The following PXDNL variants were observed in gnomAD, a reference collection of about 807,000 sequenced individuals.
The protein encoded by PXDNL is probable oxidoreductase PXDNL.
In PXDNL, 145 loss-of-function variants were observed where a neutral mutation model predicts 150.8. That is an observed-to-expected ratio of 0.96 (90% CI 0.84 to 1.10). The LOEUF is 1.10. PXDNL is among the 50% of genes least tolerant of loss of function. The pLI is 0.00. For missense variants in PXDNL, 2,087 were observed against 1,873.9 expected (o/e 1.11, Z -2.10); for synonymous variants, 757 against 725.7 (o/e 1.04, Z -0.69).
intron 4 of PXDNL, among the ~76,000 whole-genome samples, chr8:51,543,823 CA>C (rs1396378197): frequency 6.6e-6 from 1 of 150,418 alleles, no homozygotes; most frequent in Non-Finnish European, 1.5e-5. Flanking sequence ...ACAATTTTTA[CA>C]AAAGAGATAT....
At chr8:51,473,704 T>C (rs1460693001) in intron 7 of PXDNL, among the ~76,000 whole-genome samples, 1 of 147,702 alleles carries the variant, frequency 6.8e-6, no homozygotes, top group Non-Finnish European at 1.5e-5. Context: ...GTAACTAACC[T>C]GCGCACTGAG....
Position 51,809,413 on chromosome 8 carries a change from A to AACC in PXDNL, c.-72_-70dup. 1 of 1,426,082 alleles carries AACC rather than the reference A, an allele frequency of 7.0e-7. No homozygotes were observed. Among genetic ancestry groups the AACC allele is most frequent in the Non-Finnish European group, 9.3e-7 (1 of 1,074,812 alleles). The allele number at this position is 1,426,082 out of a possible 1,614,324, so 88.3% of individuals were successfully genotyped here. A position where few individuals can be genotyped will look rare whatever the true frequency, so the allele number is the denominator to read the frequency against. On this transcript the variant is annotated 5_prime_UTR_variant, in exon 1 of 23. Transcript: ENST00000356297. ...GAGCAGCAGCTGCAGCTGCAGCAGC[A>AACC]ACCGCAGTGGTGGTGATGGTGGCTG...
At chr8:51,357,810 A>T (rs2976991) in intron 19 of PXDNL, among the ~76,000 whole-genome samples, 111,493 of 152,036 alleles carry the variant, frequency 0.73, 41,428 homozygotes, top group East Asian at 0.94. Context: ...AAGAAATATA[A>T]CAGATTGGAC....
At chr8:51,489,835 C>T (rs1232939877) in intron 5 of PXDNL, among the ~76,000 whole-genome samples, 2 of 152,104 alleles carry the variant, frequency 1.3e-5, no homozygotes, top group Admixed American at 1.3e-4. Context: ...AACTATCTCC[C>T]TTAAGCCTTT....
intron 14 of PXDNL, among the ~76,000 whole-genome samples, chr8:51,421,573 C>A (rs576549217): frequency 1.3e-5 from 2 of 152,202 alleles, no homozygotes; most frequent in South Asian, 2.1e-4. Flanking sequence ...GTGATAGGCA[C>A]CTGTAACCCC....
chr8:51,614,754 G>C (rs1005247018), intron 2 of PXDNL, among the ~76,000 whole-genome samples: 1 of 151,888 alleles, frequency 6.6e-6, no homozygotes, highest in Non-Finnish European at 1.5e-5. Flanking sequence ...ATCTGACATA[G>C]TACAAGAATT....
intron 4 of PXDNL, among the ~76,000 whole-genome samples, chr8:51,534,135 C>T (rs369348559): frequency 1.4e-5 from 2 of 143,672 alleles, no homozygotes; most frequent in East Asian, 2.2e-4. Context: ...TCTGCCCCGC[C>T]GCCCTGTCTG....
At chr8:51,562,009 C>A (rs1177323000) in intron 3 of PXDNL, among the ~76,000 whole-genome samples, 1 of 151,664 alleles carries the variant, frequency 6.6e-6, no homozygotes, top group Non-Finnish European at 1.5e-5. Context: ...GGGTTTTGCA[C>A]AAATTTATTT....
chr8:51,326,309 C>T (rs929287803), intron 21 of PXDNL, among the ~76,000 whole-genome samples: 11 of 152,136 alleles, frequency 7.2e-5, no homozygotes, highest in African/African-American at 2.4e-4. Context: ...ACCAGCCTGG[C>T]CAACATGGTG....
chr8:51,597,158 G>C (rs1035606503), intron 2 of PXDNL, among the ~76,000 whole-genome samples: 11 of 152,132 alleles, frequency 7.2e-5, no homozygotes, highest in Admixed American at 5.9e-4. Flanking sequence ...TTATTGAATA[G>C]GGAGTTTTTC....
intron 8 of PXDNL, among the ~76,000 whole-genome samples, chr8:51,461,370 T>C (rs1485622374): frequency 5.9e-5 from 9 of 152,218 alleles, no homozygotes; most frequent in Admixed American, 5.9e-4. Flanking sequence ...GGGAGCTCCA[T>C]GGCCTGAAAC....
chr8:51,386,434 G>A (rs1395008566), intron 17 of PXDNL, among the ~76,000 whole-genome samples: 1 of 152,144 alleles, frequency 6.6e-6, no homozygotes, highest in Admixed American at 6.5e-5. Flanking sequence ...CCTATGTCAT[G>A]ATACTGGCAG....
intron 1 of PXDNL, among the ~76,000 whole-genome samples, chr8:51,786,897 T>C (rs1245550688): frequency 6.6e-6 from 1 of 152,198 alleles, no homozygotes; most frequent in Non-Finnish European, 1.5e-5. Flanking sequence ...TGAACTCTCC[T>C]ATCAGGGGCT....
intron 4 of PXDNL, among the ~76,000 whole-genome samples, chr8:51,519,479 G>A (rs1811612471): frequency 6.6e-6 from 1 of 152,066 alleles, no homozygotes. Context: ...GTTGCAGCGA[G>A]CAGACTTTGC....
Position 51,705,828 on chromosome 8 carries a change from TGTGTGCGCGCGC to T in PXDNL, c.165-51080_165-51069del, listed in dbSNP as rs1179469762. ...AACACTGTGTGTGTGTGTGTGTGTG[TGTGTGCGCGCGC>T]GCGCGCGCGCGCGTGCATGCACATG... On this transcript the variant is annotated intron_variant, in intron 1 of 22. Coordinates refer to ENST00000356297, the MANE Select transcript of PXDNL (RefSeq NM_144651.5). Among the ~76,000 whole-genome samples the T allele has an allele frequency of 1.4e-4, 8 of 57,790 alleles. 1 individual carries two copies. The highest frequency in any genetic ancestry group is 6.3e-4 in the East Asian group (1 of 1,590). The allele number at this position is 57,790 out of a possible 152,430, so 37.9% of individuals were successfully genotyped here.
intron 1 of PXDNL, among the ~76,000 whole-genome samples, chr8:51,736,424 C>A (rs1342682898): frequency 1.3e-5 from 2 of 152,200 alleles, no homozygotes. Context: ...GCTAGGCAGG[C>A]TCCAGACTAA....
At chr8:51,679,620 T>G (rs1233335926) in intron 1 of PXDNL, among the ~76,000 whole-genome samples, 1 of 152,212 alleles carries the variant, frequency 6.6e-6, no homozygotes, top group Non-Finnish European at 1.5e-5. Flanking sequence ...TTTTATTTAA[T>G]GTGGTCATTC....
intron 2 of PXDNL, among the ~76,000 whole-genome samples, chr8:51,597,873 C>A (rs1373897565): frequency 6.6e-6 from 1 of 151,948 alleles, no homozygotes; most frequent in East Asian, 1.9e-4. Flanking sequence ...TGCCACCATG[C>A]CTGGCTAATT....
At chr8:51,519,215 T>C (rs1360343758) in intron 4 of PXDNL, among the ~76,000 whole-genome samples, 8 of 152,070 alleles carry the variant, frequency 5.3e-5, no homozygotes, top group Non-Finnish European at 1.0e-4. Context: ...AACTAACATA[T>C]AAATAATATC....
Sources: allele counts gnomAD v4.1 joint callset (sites outside exome capture counted in the v4.1 genomes callset), GRCh38; gene constraint gnomAD v4.1.1; transcripts MANE v1.5; gene names NCBI Gene and HGNC (gene_info 2026-07-23, HGNC 2026-07-21).